The following RADIL variants were observed in gnomAD, a reference collection of about 807,000 sequenced individuals.
RADIL encodes ras-associating and dilute domain-containing protein.
A neutral mutation model predicts 97.6 loss-of-function variants in RADIL; 99 were observed. That is an observed-to-expected ratio of 1.01 (90% CI 0.86 to 1.20). The LOEUF is 1.20. Ranked by LOEUF, RADIL falls within the 50% of genes most tolerant of loss-of-function variation. RADIL has a pLI of 0.00. For missense variants in RADIL, 1,765 were observed against 1,498.9 expected (o/e 1.18, Z -2.93); for synonymous variants, 803 against 691.8 (o/e 1.16, Z -2.52).
Position 4,824,246 on chromosome 7 carries a change from G to A in RADIL, c.1455-1692C>T, listed in dbSNP as rs567625144. 2.6e-5 allele frequency among the ~76,000 whole-genome samples: 4 copies of A among 152,346 alleles called. No individual in the cohort carries two copies. The highest frequency in any genetic ancestry group is 1.9e-4 in the East Asian group (1 of 5,182). The stretch of plus-strand genomic sequence containing the variant: ...TGAGCCAGGCAGCTGCCACTCTGCT[G>A]GCCGCAGGGCATGGTGCCAGCCCAG... On this transcript the variant is annotated intron_variant, in intron 5 of 14. Transcript: ENST00000399583. The surrounding 1 kb of genome is among the most constrained non-coding windows in gnomAD (Gnocchi z 6.7).
Position 4,819,678 on chromosome 7 carries a change from G to A in RADIL, c.1616-2327C>T, listed in dbSNP as rs1782776606. On this transcript the variant is annotated intron_variant, in intron 6 of 14. Transcript: ENST00000399583. This position sits in a 1 kb window ranked among gnomAD's most constrained non-coding sequence, Gnocchi z 5.8. ...CAGCCACGTGACCCACCCTCGGGAC[G>A]CGACAGCCCTGCTCTCCGAATTCTT... Among the ~76,000 whole-genome samples, 1 of 152,174 alleles carries A rather than the reference G, an allele frequency of 6.6e-6. No individual in the cohort carries two copies. The highest frequency in any genetic ancestry group is 2.1e-4 in the South Asian group (1 of 4,834).
intron 2 of RADIL, among the ~76,000 whole-genome samples, chr7:4,876,691 C>T (rs761496313): frequency 2.6e-5 from 4 of 152,232 alleles, no homozygotes; most frequent in Non-Finnish European, 4.4e-5. Flanking sequence ...CCCCAGGCCC[C>T]GGGGCTCTCA....
At chr7:4,820,719 C>A (rs1470105067) in intron 6 of RADIL, among the ~76,000 whole-genome samples, 1 of 152,178 alleles carries the variant, frequency 6.6e-6, no homozygotes, top group East Asian at 1.9e-4. Flanking sequence ...CCCCACCCCA[C>A]AACCTCATGG....
At chr7:4,861,327 AAC>A (rs1239014139) in intron 2 of RADIL, 10 of 1,613,908 alleles carry the variant, frequency 6.2e-6, no homozygotes, top group South Asian at 3.3e-5. Flanking sequence ...ATCCCATCAA[AAC>A]ACAGTTTGAT....
chr7:4,813,072 CTT>C lies in RADIL; in HGVS notation c.2139+2204_2139+2205del, dbSNP rs869301348. Among the ~76,000 whole-genome samples, 452 of 147,274 alleles carry C rather than the reference CTT, an allele frequency of 3.1e-3. 9 individuals carry two copies. Among genetic ancestry groups the C allele is most frequent in the African/African-American group, 0.011 (409 of 38,366 alleles). ...GCTTCATCCTTACCCCAAGGTTCTT[CTT>C]TCTCTCTCTCTCTCTCTCTCTCTCT... On this transcript the variant is annotated intron_variant, in intron 9 of 14. Transcript: ENST00000399583. The surrounding 1 kb of genome is among the most constrained non-coding windows in gnomAD (Gnocchi z 5.0).
chr7:4,848,826 G>A (rs1461097889), intron 2 of RADIL, among the ~76,000 whole-genome samples: 1 of 152,120 alleles, frequency 6.6e-6, no homozygotes, highest in African/African-American at 2.4e-5. Flanking sequence ...CCAAGACATA[G>A]TAGGATACGT....
Position 4,814,935 on chromosome 7 carries a change from T to A in RADIL, c.2139+343A>T, listed in dbSNP as rs1382953278. On this transcript the variant is annotated intron_variant, in intron 9 of 14. Transcript: ENST00000399583. This position sits in a 1 kb window ranked among gnomAD's most constrained non-coding sequence, Gnocchi z 4.5. The stretch of plus-strand genomic sequence containing the variant: ...CTTCTTCTGTTTCTCTCTGACCTTC[T>A]GGACTTGTCTGAGTGGACTGGGCCA... Among the ~76,000 whole-genome samples the A allele has an allele frequency of 6.6e-6, 1 of 152,194 alleles. No homozygotes were observed. The highest frequency in any genetic ancestry group is 2.4e-5 in the African/African-American group (1 of 41,456).
At position 4,801,890 on chromosome 7, in the gene RADIL, G is replaced by C. The variant is rs140056635; in HGVS notation, c.2605C>G (p.Leu869Val). 674 of 1,586,244 alleles carry C rather than the reference G, an allele frequency of 4.2e-4. 3 individuals are homozygous for C. The Middle Eastern group carries it at 5.3e-3, about 13-fold the overall frequency. The change falls in exon 12 of 15, where the codon CTT becomes GTT. Residue 869 changes from leucine (L) to valine (V), a missense_variant. Coordinates refer to ENST00000399583, the MANE Select transcript of RADIL (RefSeq NM_018059.5). ...GCCCAGGGAGCCCCCCTCAAGGGAA[G>C]AGTACGCTCCGGGGCCACTTCCCGG... ...AAREVAPERTLPLRGAPWAQA... is the reference protein window; with the variant it reads ...AAREVAPERTVPLRGAPWAQA...
chr7:4,860,660 G>A lies in RADIL; in HGVS notation c.535+16945C>T, dbSNP rs777677624. 1.2e-5 allele frequency: 20 copies of A among 1,614,058 alleles called. No individual in the cohort carries two copies. The Admixed American group carries it at 2.7e-4, about 22-fold the overall frequency. On this transcript the variant is annotated intron_variant, in intron 2 of 14. Transcript: ENST00000399583. ...CACCCATTCTAAATGTTGTTTTTCT[G>A]TTGATGCACTTGCCAGAAGTACAAT...
intron 5 of RADIL, among the ~76,000 whole-genome samples, chr7:4,825,434 G>A (rs533457759): frequency 2.0e-5 from 3 of 152,200 alleles, no homozygotes; most frequent in Non-Finnish European, 4.4e-5. Context: ...CATCAGGAGA[G>A]GACCAGGGAA....
Position 4,806,777 on chromosome 7 carries a change from A to G in RADIL, c.2140-1061T>C, listed in dbSNP as rs575495350. On this transcript the variant is annotated intron_variant, in intron 9 of 14. Coordinates refer to ENST00000399583, the MANE Select transcript of RADIL (RefSeq NM_018059.5). ...TCTTCACCTCCACCCTGGACTGGTC[A>G]TCTGGCTGGCACAGAACTCCAGGCG... is the stretch of plus-strand genomic sequence containing the variant. Among the ~76,000 whole-genome samples, 18 of 152,318 alleles carry G rather than the reference A, an allele frequency of 1.2e-4. No homozygotes were observed. The South Asian group carries it at 3.5e-3, about 30-fold the overall frequency.
intron 5 of RADIL, among the ~76,000 whole-genome samples, chr7:4,823,469 C>T (rs902266583): frequency 2.6e-5 from 4 of 151,978 alleles, no homozygotes; most frequent in African/African-American, 9.7e-5. Flanking sequence ...CATGCCTAGC[C>T]CTGATTCTGT....
In RADIL at chr7:4,799,389, G is replaced by C; in HGVS notation, c.3217C>G (p.Pro1073Ala). 4 of 1,613,744 alleles carry C rather than the reference G, an allele frequency of 2.5e-6. No individual in the cohort carries two copies. The highest frequency in any genetic ancestry group is 3.4e-6 in the Non-Finnish European group (4 of 1,179,974). ...ETAKKIHFRT[P>A]PL Reference sequence around the variant, plus strand: ...TCCTCGCAGCCCCCCTAGAGAGGGGGCGTGCGGAAATGGATCTTCTTGGCT... The same window carrying C: ...TCCTCGCAGCCCCCCTAGAGAGGGGCCGTGCGGAAATGGATCTTCTTGGCT... The change falls in exon 15 of 15, where the codon CCC (proline) becomes GCC (alanine). Residue 1073 changes from proline (P) to alanine (A), a missense_variant. Transcript: ENST00000399583.
At chr7:4,833,623 G>A (rs539624551) in intron 4 of RADIL, among the ~76,000 whole-genome samples, 5 of 152,276 alleles carry the variant, frequency 3.3e-5, no homozygotes, top group Non-Finnish European at 5.9e-5. Flanking sequence ...TGTGGATTTC[G>A]ATATGAGAAA....
intron 5 of RADIL, among the ~76,000 whole-genome samples, chr7:4,828,274 C>A (rs939923854): frequency 1.3e-5 from 2 of 152,214 alleles, no homozygotes; most frequent in Non-Finnish European, 2.9e-5. Context: ...CCTGGGCCAA[C>A]ATAGTGAAAT....
rs556174363 is a variant in RADIL at position 4,814,642 on chromosome 7, C to A, written c.2139+636G>T. ...ATTGCCGTTGTGACAAATGCCCACA[C>A]GCCTGGCGGTCACGGCCACACAGTG... is the stretch of plus-strand genomic sequence containing the variant. On this transcript the variant is annotated intron_variant, in intron 9 of 14. Coordinates refer to ENST00000399583, the MANE Select transcript of RADIL (RefSeq NM_018059.5). This position sits in a 1 kb window ranked among gnomAD's most constrained non-coding sequence, Gnocchi z 4.5. 6.6e-6 allele frequency among the ~76,000 whole-genome samples: 1 copy of A among 152,228 alleles called. No homozygotes were observed. Among genetic ancestry groups the A allele is most frequent in the Non-Finnish European group, 1.5e-5 (1 of 68,040 alleles).
At chr7:4,804,324 G>C (rs975006436) in intron 10 of RADIL, among the ~76,000 whole-genome samples, 1 of 152,254 alleles carries the variant, frequency 6.6e-6, no homozygotes, top group Non-Finnish European at 1.5e-5. Flanking sequence ...GAAGGTGTCA[G>C]GTGGAGCCAG....
rs1347419113 is a variant in RADIL at position 4,879,983 on chromosome 7, C to T, written c.-64-1780G>A. Reference sequence around the variant, plus strand: ...TTGAACTCTTCAGAAATACTTCCGACAGCTTCGCACACCAGAGACTGGGTT... The same window carrying T: ...TTGAACTCTTCAGAAATACTTCCGATAGCTTCGCACACCAGAGACTGGGTT... On this transcript the variant is annotated intron_variant, in intron 1 of 14. Transcript: ENST00000399583. This position sits in a 1 kb window ranked among gnomAD's most constrained non-coding sequence, Gnocchi z 4.1. Among the ~76,000 whole-genome samples, 1 of 152,218 alleles carries T rather than the reference C, an allele frequency of 6.6e-6. No individual in the cohort carries two copies. The highest frequency in any genetic ancestry group is 1.5e-5 in the Non-Finnish European group (1 of 68,032).
At chr7:4,803,443 C>A (rs1782184142) in intron 11 of RADIL, 103 bp downstream of exon 11, 2 of 1,059,936 alleles carry the variant, frequency 1.9e-6, no homozygotes, top group Non-Finnish European at 2.6e-6. Context: ...TCGGGGCACG[C>A]TGGCTGGGTG....
Sources: allele counts gnomAD v4.1 joint callset (sites outside exome capture counted in the v4.1 genomes callset), GRCh38; gene constraint gnomAD v4.1.1; non-coding constraint Gnocchi (gnomAD v3.1); transcripts MANE v1.5; gene names NCBI Gene and HGNC (gene_info 2026-07-23, HGNC 2026-07-21).